AGO3: variants seen among roughly 807,000 people sequenced by gnomAD.
AGO3 encodes the protein argonaute RISC catalytic component 3.
A neutral mutation model predicts 105.5 loss-of-function variants in AGO3; 16 were observed. The observed-to-expected ratio is 0.15, with a 90% confidence interval of 0.10 to 0.23. The LOEUF is 0.23. Ranked by LOEUF, AGO3 falls within the 10% of genes least tolerant of loss-of-function variation. AGO3 has a pLI of 1.00. For missense variants in AGO3, 534 were observed against 1,088.0 expected (o/e 0.49, Z 7.16); for synonymous variants, 340 against 367.3 (o/e 0.93, Z 0.85).
chr1:36,040,110 T>C (rs1642184705), intron 15 of AGO3, 126 bp downstream of exon 15: 11 of 1,227,288 alleles, frequency 9.0e-6, no homozygotes, highest in Non-Finnish European at 1.2e-5. Flanking sequence ...TTTTGTTAGA[T>C]TGTCTTTTTG....
At position 35,983,308 on chromosome 1, in the gene AGO3, A is replaced by T. The variant is rs556855753; in HGVS notation, c.658+9797A>T. 149 of 152,016 alleles carry T rather than the reference A, an allele frequency of 9.8e-4. 1 individual carries two copies. Among genetic ancestry groups the T allele is most frequent in the African/African-American group, 3.5e-3 (144 of 41,446 alleles). 9.4% of individuals were successfully genotyped at this position (152,016 alleles called of 1,614,324 possible). A position where few individuals can be genotyped will look rare whatever the true frequency, so the allele number is the denominator to read the frequency against. On this transcript the variant is annotated intron_variant, in intron 5 of 18. Coordinates refer to ENST00000373191, the MANE Select transcript of AGO3 (RefSeq NM_024852.4). ...AAAACAACACCTGCCATGATGGCTT[A>T]CACTTGTAATCCCAGCACTTTGGGA...
chr1:35,970,729 G>A (rs1328668867), intron 3 of AGO3, among the ~76,000 whole-genome samples: 1 of 150,596 alleles, frequency 6.6e-6, no homozygotes, highest in Non-Finnish European at 1.5e-5. Context: ...CCCTCCCTTT[G>A]TTTATTTATT....
At chr1:35,933,470 T>G (rs1028939834) in intron 1 of AGO3, among the ~76,000 whole-genome samples, 2 of 151,684 alleles carry the variant, frequency 1.3e-5, no homozygotes, top group African/African-American at 4.8e-5. Flanking sequence ...TAGTGAGACC[T>G]GCCTCTACAA....
At chr1:36,043,073 A>C (rs767046189) in intron 16 of AGO3, among the ~76,000 whole-genome samples, 1 of 152,206 alleles carries the variant, frequency 6.6e-6, no homozygotes, top group Non-Finnish European at 1.5e-5. Context: ...GTTTTCTCCA[A>C]GGTAAATGCT....
chr1:35,982,562 A>G (rs936167437), intron 5 of AGO3: 9 of 699,348 alleles, frequency 1.3e-5, no homozygotes, highest in Middle Eastern at 2.3e-4. Context: ...TATCCTTTAG[A>G]TAGGGATACT....
intron 5 of AGO3, among the ~76,000 whole-genome samples, chr1:35,990,712 T>C (rs1190360164): frequency 6.6e-6 from 1 of 152,228 alleles, no homozygotes; most frequent in African/African-American, 2.4e-5. Flanking sequence ...TAAAAATTTC[T>C]AGTAAATAAA....
chr1:36,037,525 CAAAA>C (rs973118823), intron 14 of AGO3, among the ~76,000 whole-genome samples: 1 of 149,246 alleles, frequency 6.7e-6, no homozygotes, highest in Non-Finnish European at 1.5e-5. Context: ...CATCTCAAAA[CAAAA>C]AAAAAGATTT....
Position 35,935,217 on chromosome 1 carries a change from G to A in AGO3, c.19+3772G>A, listed in dbSNP as rs535399214. The stretch of plus-strand genomic sequence containing the variant: ...ATTTCTCTTTCAATGAAGGGACTCC[G>A]AGGGAAAACAAAAATTGAGACATAA... On this transcript the variant is annotated intron_variant, in intron 1 of 18. Coordinates refer to ENST00000373191, the MANE Select transcript of AGO3 (RefSeq NM_024852.4). 1.3e-3 allele frequency among the ~76,000 whole-genome samples: 202 copies of A among 152,170 alleles called. 1 individual carries two copies. The highest frequency in any genetic ancestry group is 4.3e-3 in the African/African-American group (178 of 41,520).
At chr1:35,948,454 G>A (rs940952802) in intron 2 of AGO3, among the ~76,000 whole-genome samples, 47 of 151,570 alleles carry the variant, frequency 3.1e-4, no homozygotes, top group Admixed American at 9.2e-4. Flanking sequence ...TCCTGACCTT[G>A]TGGTCCCCCC....
chr1:36,053,753 T>C (rs1642815276), intron 17 of AGO3, among the ~76,000 whole-genome samples: 1 of 139,548 alleles, frequency 7.2e-6, no homozygotes, highest in South Asian at 2.4e-4. Context: ...TAATTTTTTT[T>C]TTTTTTTTTT....
intron 2 of AGO3, among the ~76,000 whole-genome samples, chr1:35,958,311 G>A (rs1437704642): frequency 6.6e-6 from 1 of 150,592 alleles, no homozygotes; most frequent in African/African-American, 2.4e-5. Context: ...AACCCAGGAG[G>A]TGGAGGTTGC....
At chr1:35,946,389 G>A (rs973947803) in intron 2 of AGO3, among the ~76,000 whole-genome samples, 4 of 151,904 alleles carry the variant, frequency 2.6e-5, no homozygotes, top group Admixed American at 6.6e-5. Flanking sequence ...GCTTCCTCTC[G>A]CCTCCCCCAA....
intron 2 of AGO3, among the ~76,000 whole-genome samples, chr1:35,950,404 A>G (rs530672146): frequency 5.3e-5 from 8 of 152,334 alleles, no homozygotes; most frequent in East Asian, 1.9e-4. Context: ...TAGCCAAACA[A>G]TTGCCACTTT....
rs1642337859 is a variant in AGO3, at chr1:36,043,563, TG to T, written c.2274+18del. The T allele has an allele frequency of 1.3e-6, 2 of 1,563,178 alleles. No homozygotes were observed. The highest frequency in any genetic ancestry group is 1.7e-6 in the Non-Finnish European group (2 of 1,149,918). The stretch of plus-strand genomic sequence containing the variant: ...CTGGAATACAGGTAAGCCTACACTT[TG>T]GGTAAAATATTTTAATTCAAGAACT... On this transcript the variant is annotated intron_variant, in intron 17 of 18. Transcript: ENST00000373191.
At chr1:35,956,608 C>G (rs913874000) in intron 2 of AGO3, among the ~76,000 whole-genome samples, 1 of 150,174 alleles carries the variant, frequency 6.7e-6, no homozygotes, top group Non-Finnish European at 1.5e-5. Context: ...TCAGAGAAGG[C>G]AAGGTAAGGA....
At chr1:35,931,934 C>T (rs895202198) in intron 1 of AGO3, among the ~76,000 whole-genome samples, 1 of 152,182 alleles carries the variant, frequency 6.6e-6, no homozygotes, top group Non-Finnish European at 1.5e-5. Flanking sequence ...CTCCTACCCT[C>T]GAGTTCTTTT....
Position 35,972,019 on chromosome 1 carries a change from A to G in AGO3, c.313-5A>G. On this transcript the variant is annotated splice_polypyrimidine_tract_variant and splice_region_variant and intron_variant, in intron 3 of 18. Coordinates refer to ENST00000373191, the MANE Select transcript of AGO3 (RefSeq NM_024852.4). ...TTTACCAGTTGACTCTTTTCCCATC[A>G]ACAGGTAGATTTAGACGTTACTTTA... 1 of 1,613,074 alleles carries G rather than the reference A, an allele frequency of 6.2e-7. No homozygotes were observed. The highest frequency in any genetic ancestry group is 8.5e-7 in the Non-Finnish European group (1 of 1,179,448).
rs1643149942 is a variant in AGO3, at chr1:36,070,621, A to G, written c.*14876A>G. ...ATTCAACATTTACTTTTATCTCCAC[A>G]GATGCCAACCTCCCCTTGTTGCAGG... On this transcript the variant is annotated 3_prime_UTR_variant, in exon 19 of 19. Transcript: ENST00000373191. The G allele has an allele frequency of 6.6e-6, 1 of 152,238 alleles. No individual in the cohort carries two copies. Among genetic ancestry groups the G allele is most frequent in the African/African-American group, 2.4e-5 (1 of 41,462 alleles). The allele number at this position is 152,238 out of a possible 1,614,324, so 9.4% of individuals were successfully genotyped here.
intron 5 of AGO3, among the ~76,000 whole-genome samples, chr1:36,001,591 G>A (rs1315731693): frequency 6.6e-6 from 1 of 152,122 alleles, no homozygotes; most frequent in Non-Finnish European, 1.5e-5. Context: ...ATAGTGTGCA[G>A]CAATTAAAGG....
Sources: gnomAD v4.1 joint callset for allele counts (sites outside exome capture counted in the v4.1 genomes callset) on GRCh38, gnomAD v4.1.1 for gene constraint, MANE v1.5 for transcripts, NCBI Gene and HGNC (gene_info 2026-07-23, HGNC 2026-07-21) for gene names.